Variants in CUX2 observed in about 807,000 individuals in gnomAD.
CUX2 encodes cut like homeobox 2.
In CUX2, 40 loss-of-function variants were observed where a neutral mutation model predicts 144.8. The ratio of observed to expected loss-of-function variants is 0.28; its 90% CI spans 0.21 to 0.36. The LOEUF (loss-of-function observed/expected upper bound fraction) is 0.36. Among genes scored for constraint, CUX2 ranks in the 10% least tolerant of loss-of-function variants. CUX2 has a pLI of 1.00. For missense variants in CUX2, 1,615 were observed against 1,994.0 expected (o/e 0.81, Z 3.62); for synonymous variants, 827 against 875.6 (o/e 0.94, Z 0.98).
At chr12:111,235,928 C>T (rs1432059105) in intron 3 of CUX2, among the ~76,000 whole-genome samples, 1 of 152,078 alleles carries the variant, frequency 6.6e-6, no homozygotes, top group Non-Finnish European at 1.5e-5. Flanking sequence ...TTCAGGGAAA[C>T]AAGCCCCTTT....
intron 3 of CUX2, among the ~76,000 whole-genome samples, chr12:111,256,249 C>G (rs192200535): frequency 2.8e-4 from 43 of 152,172 alleles, no homozygotes; most frequent in Middle Eastern, 6.8e-3. Flanking sequence ...ACTCTTGCCT[C>G]TCTTTGCCTT....
intron 1 of CUX2, among the ~76,000 whole-genome samples, chr12:111,123,575 G>A (rs1874834673): frequency 6.6e-6 from 1 of 151,784 alleles, no homozygotes; most frequent in Admixed American, 6.6e-5. Context: ...TCACTGTATT[G>A]CCCAGGCTGG....
intron 1 of CUX2, among the ~76,000 whole-genome samples, chr12:111,177,183 T>C (rs1878908937): frequency 6.6e-6 from 1 of 152,082 alleles, no homozygotes; most frequent in Non-Finnish European, 1.5e-5. Flanking sequence ...GCATCCAAAA[T>C]GTTTTCCGTG....
chr12:111,329,830 T>C (rs900054200), intron 18 of CUX2, among the ~76,000 whole-genome samples: 2 of 152,076 alleles, frequency 1.3e-5, no homozygotes, highest in Admixed American at 1.3e-4. Flanking sequence ...AGAGATGGGG[T>C]TTCACCATGT....
intron 1 of CUX2, among the ~76,000 whole-genome samples, chr12:111,063,970 G>C (rs755805782): frequency 3.3e-5 from 5 of 152,222 alleles, no homozygotes; most frequent in African/African-American, 1.2e-4. Flanking sequence ...CGGCAAGGTG[G>C]TGGGGACAGG....
At chr12:111,247,147 A>G (rs1472267748) in intron 3 of CUX2, among the ~76,000 whole-genome samples, 3 of 152,084 alleles carry the variant, frequency 2.0e-5, no homozygotes. Flanking sequence ...TGGGAATCAA[A>G]CCCAGGCTCC....
intron 1 of CUX2, among the ~76,000 whole-genome samples, chr12:111,083,584 CTT>C (rs1299642131): frequency 4.6e-5 from 7 of 152,078 alleles, no homozygotes; most frequent in Admixed American, 4.6e-4. Context: ...ATATAAGTCA[CTT>C]AGGCAAAAGA....
At chr12:111,119,555 C>T (rs1874507985) in intron 1 of CUX2, among the ~76,000 whole-genome samples, 1 of 152,148 alleles carries the variant, frequency 6.6e-6, no homozygotes, top group Admixed American at 6.5e-5. Flanking sequence ...CCTCTGGCCC[C>T]CCAGATTCTT....
chr12:111,045,687 TG>T (rs1869964164), intron 1 of CUX2, among the ~76,000 whole-genome samples: 2 of 152,218 alleles, frequency 1.3e-5, no homozygotes, highest in African/African-American at 4.8e-5. Context: ...TGATGGGCGC[TG>T]GGCTCGGAGC....
chr12:111,148,119 A>C (rs754555794), intron 1 of CUX2, among the ~76,000 whole-genome samples: 2 of 152,238 alleles, frequency 1.3e-5, no homozygotes, highest in Non-Finnish European at 2.9e-5. Flanking sequence ...CAAAGGGTGT[A>C]AGTAACCCAG....
Position 111,322,403 on chromosome 12 carries a change from CT to C in CUX2, c.2767-17del, listed in dbSNP as rs772021175. The C allele has an allele frequency of 6.0e-5, 92 of 1,545,446 alleles. No homozygotes were observed. The highest frequency in any genetic ancestry group is 7.5e-5 in the Non-Finnish European group (86 of 1,144,584). On this transcript the variant is annotated splice_polypyrimidine_tract_variant and intron_variant, in intron 17 of 21. Transcript: ENST00000261726. This position sits in a 1 kb window ranked among gnomAD's most constrained non-coding sequence, Gnocchi z 4.2. ...CCCAGGGGCCTGCTGACCTACCCCCCTGGCCCGCCCCTCGCAGGTGCTGGGC... is the reference window on the plus strand; with the variant it reads ...CCCAGGGGCCTGCTGACCTACCCCCCGGCCCGCCCCTCGCAGGTGCTGGGC...
rs572675073 is a variant in CUX2 at position 111,057,905 on chromosome 12, C to T, written c.63+23665C>T. ...TGGGGACGCCTGGGTAATGACTGAA[C>T]GCGCTAACTCCGTTAGCAGCCCTGG... On this transcript the variant is annotated intron_variant, in intron 1 of 21. Transcript: ENST00000261726. The surrounding 1 kb of genome is among the most constrained non-coding windows in gnomAD (Gnocchi z 5.1). Among the ~76,000 whole-genome samples, 1 of 152,126 alleles carries T rather than the reference C, an allele frequency of 6.6e-6. No individual in the cohort carries two copies. Among genetic ancestry groups the T allele is most frequent in the Non-Finnish European group, 1.5e-5 (1 of 68,014 alleles).
intron 3 of CUX2, among the ~76,000 whole-genome samples, chr12:111,222,769 G>A (rs546342754): frequency 4.6e-5 from 7 of 152,286 alleles, no homozygotes; most frequent in South Asian, 2.1e-4. Context: ...CATGGTGGGC[G>A]TGCATGGTTG....
chr12:111,330,974 G>A (rs920983015), intron 18 of CUX2, among the ~76,000 whole-genome samples: 1 of 151,296 alleles, frequency 6.6e-6, no homozygotes, highest in African/African-American at 2.4e-5. Flanking sequence ...ACTGGATCTT[G>A]AGGAATGCAT....
intron 1 of CUX2, among the ~76,000 whole-genome samples, chr12:111,147,406 C>T (rs1422522164): frequency 6.6e-6 from 1 of 152,218 alleles, no homozygotes; most frequent in Admixed American, 6.5e-5. Context: ...ATGGTCAACT[C>T]TCACCACATT....
At chr12:111,227,119 A>T (rs556932914) in intron 3 of CUX2, among the ~76,000 whole-genome samples, 1 of 152,040 alleles carries the variant, frequency 6.6e-6, no homozygotes, top group Non-Finnish European at 1.5e-5. Context: ...TGGTCAGTAG[A>T]TGTTTGTTGA....
intron 4 of CUX2, among the ~76,000 whole-genome samples, chr12:111,266,543 C>T (rs1250956510): frequency 2.6e-5 from 4 of 151,368 alleles, no homozygotes; most frequent in African/African-American, 9.7e-5. Context: ...AACAGAGGCA[C>T]GGTGGAAATG....
In CUX2 at chr12:111,333,409, G is replaced by C. The variant is rs190379544; in HGVS notation, c.2927-1032G>C. ...AAAATGAATTAATTAAATAAAATAT[G>C]TAAATTTCTTTTCCCTGTGCAGGAT... is the stretch of plus-strand genomic sequence containing the variant. On this transcript the variant is annotated intron_variant, in intron 18 of 21. Transcript: ENST00000261726. Among the ~76,000 whole-genome samples, 151 of 152,204 alleles carry C rather than the reference G, an allele frequency of 9.9e-4. 3 individuals are homozygous for C. The highest frequency in any genetic ancestry group is 3.4e-3 in the African/African-American group (143 of 41,538).
Position 111,295,427 on chromosome 12 carries a change from G to C in CUX2, c.637+18G>C. 6.2e-7 allele frequency: 1 copy of C among 1,604,892 alleles called. No homozygotes were observed. The highest frequency in any genetic ancestry group is 8.5e-7 in the Non-Finnish European group (1 of 1,175,862). On this transcript the variant is annotated intron_variant, in intron 7 of 21. Coordinates refer to ENST00000261726, the MANE Select transcript of CUX2 (RefSeq NM_015267.4). The surrounding 1 kb of genome is among the most constrained non-coding windows in gnomAD (Gnocchi z 5.0). The stretch of plus-strand genomic sequence containing the variant: ...ACATTCAGGTATGTGTCGGCACCAT[G>C]TGGCCTAGAGGGAGGACTGGGAGGG...
Sources: allele counts gnomAD v4.1 joint callset (sites outside exome capture counted in the v4.1 genomes callset), GRCh38; gene constraint gnomAD v4.1.1; non-coding constraint Gnocchi (gnomAD v3.1); transcripts MANE v1.5; gene names NCBI Gene and HGNC (gene_info 2026-07-23, HGNC 2026-07-21).